The following ASMT variants were observed in gnomAD, a reference collection of about 807,000 sequenced individuals.
ASMT encodes acetylserotonin O-methyltransferase.
In ASMT, 53 loss-of-function variants were observed where a neutral mutation model predicts 41.3. The ratio of observed to expected loss-of-function variants is 1.28; its 90% CI spans 1.03 to 1.61. The LOEUF is 1.61. Ranked by LOEUF, ASMT falls within the 40% of genes most tolerant of loss-of-function variation. The probability of loss-of-function intolerance (pLI) is 0.00; values close to 1 mark genes in which losing one functional copy is unlikely to be tolerated. For synonymous variants in ASMT, 231 were observed against 184.8 expected (o/e 1.25, Z -2.03); for missense variants, 531 against 441.3 (o/e 1.20, Z -1.82).
rs1569386580 is a variant in ASMT, at chrX:1,640,587, A to ATC, written c.911-2216_911-2215insTC. Among the ~76,000 whole-genome samples the ATC allele has an allele frequency of 2.0e-3, 65 of 31,714 alleles. 1 individual carries two copies. Among genetic ancestry groups the ATC allele is most frequent in the Non-Finnish European group, 2.0e-3 (39 of 19,494 alleles). 20.8% of individuals were successfully genotyped at this position (31,714 alleles called of 152,430 possible). On this transcript the variant is annotated intron_variant, in intron 8 of 8. Coordinates refer to ENST00000381241, the MANE Select transcript of ASMT (RefSeq NM_001171038.2). Reference sequence around the variant, plus strand: ...TGTGAGATCCATCCATCCTGATGGCACATGAGGATGTGGGCACAGCCTCTG... The same window carrying ATC: ...TGTGAGATCCATCCATCCTGATGGCATCCATGAGGATGTGGGCACAGCCTCTG...
chrX:1,618,863 C>A (rs1462287053), intron 1 of ASMT, among the ~76,000 whole-genome samples: 37 of 152,176 alleles, frequency 2.4e-4, no homozygotes, highest in African/African-American at 8.4e-4. Context: ...CAAAGACTGT[C>A]GCTGGTTCAC....
chrX:1,619,386 CCT>C (rs1290991394), intron 1 of ASMT, among the ~76,000 whole-genome samples: 1 of 144,914 alleles, frequency 6.9e-6, no homozygotes, highest in African/African-American at 2.6e-5. Flanking sequence ...AGAGCGGGAC[CCT>C]GTCTCAAAAA....
Position 1,624,324 on chromosome X carries a change from G to A in ASMT, c.300G>A (p.Thr100=), listed in dbSNP as rs532832663. 5.3e-5 allele frequency: 85 copies of A among 1,613,942 alleles called. No homozygotes were observed. Among genetic ancestry groups the A allele is most frequent in the Middle Eastern group, 1.7e-4 (1 of 6,024 alleles). The change falls in exon 3 of 9, where the codon ACG becomes ACA. Residue 100 remains threonine, a synonymous_variant. Transcript: ENST00000381241. The stretch of plus-strand genomic sequence containing the variant: ...ACTACCTGACCACGGTCAGCCCGAC[G>A]TCACAATGCAGCATGCTGAAGTACA... ...SSDYLTTVSP[T]SQCSMLKYMG...
intron 1 of ASMT, among the ~76,000 whole-genome samples, chrX:1,620,952 CG>C (rs1934316909): frequency 6.6e-6 from 1 of 151,086 alleles, no homozygotes; most frequent in Admixed American, 6.6e-5. Flanking sequence ...AAAATTTAGC[CG>C]GGTGTGGTGG....
intron 3 of ASMT, among the ~76,000 whole-genome samples, chrX:1,625,695 C>T (rs1479920861): frequency 7.9e-5 from 12 of 151,892 alleles, no homozygotes; most frequent in African/African-American, 1.9e-4. Flanking sequence ...TAGCCCATGC[C>T]GGTAATCCCA....
intron 1 of ASMT, among the ~76,000 whole-genome samples, chrX:1,616,110 C>G (rs1326254583): frequency 1.4e-4 from 21 of 151,196 alleles, no homozygotes; most frequent in South Asian, 4.2e-4. Flanking sequence ...CTCACTGCAA[C>G]CTCCGCCTCC....
chrX:1,624,318 C>G lies in ASMT; in HGVS notation c.294C>G (p.Ser98Arg), dbSNP rs1480097950. Residue 98 changes from serine (S) to arginine (R), a missense_variant, in exon 3 of 9, where the codon AGC becomes AGG. By Grantham distance (110) the Ser-to-Arg change is moderately radical. Coordinates refer to ENST00000381241, the MANE Select transcript of ASMT (RefSeq NM_001171038.2). ...CCAGCGACTACCTGACCACGGTCAG[C>G]CCGACGTCACAATGCAGCATGCTGA... ...ELSSDYLTTV[S>R]PTSQCSMLKY... The G allele has an allele frequency of 6.2e-7, 1 of 1,613,866 alleles. No homozygotes were observed. The highest frequency in any genetic ancestry group is 8.5e-7 in the Non-Finnish European group (1 of 1,179,884).
intron 1 of ASMT, among the ~76,000 whole-genome samples, chrX:1,622,584 C>G (rs1934374670): frequency 6.6e-6 from 1 of 151,958 alleles, no homozygotes; most frequent in African/African-American, 2.4e-5. Flanking sequence ...AGCACCCAGC[C>G]AGGAGACATT....
chrX:1,628,300 A>G (rs1934635352), intron 4 of ASMT, among the ~76,000 whole-genome samples: 2 of 152,340 alleles, frequency 1.3e-5, no homozygotes, highest in South Asian at 2.1e-4. Context: ...CAGCCTGGGC[A>G]ACAAGAGTGA....
At chrX:1,619,814 G>A (rs1371223478) in intron 1 of ASMT, among the ~76,000 whole-genome samples, 2 of 151,734 alleles carry the variant, frequency 1.3e-5, no homozygotes, top group South Asian at 2.1e-4. Context: ...AATACGGGCC[G>A]GGCGTGGTGG....
At chrX:1,622,847 G>A (rs1307981672) in intron 1 of ASMT, among the ~76,000 whole-genome samples, 3 of 151,864 alleles carry the variant, frequency 2.0e-5, no homozygotes, top group Non-Finnish European at 4.4e-5. Flanking sequence ...GGGAGGCAGA[G>A]GTTGCAGTGA....
In ASMT at chrX:1,636,427, C is replaced by T; in HGVS notation, c.788-11C>T. 2 of 1,613,866 alleles carry T rather than the reference C, an allele frequency of 1.2e-6. No individual in the cohort carries two copies. Among genetic ancestry groups the T allele is most frequent in the African/African-American group, 1.3e-5 (1 of 74,992 alleles). ...GCAGGCTGACCTCGGTGTGCCTGCC[C>T]TGTGTTCCAGGGGATTTCTTCAAAG... On this transcript the variant is annotated splice_polypyrimidine_tract_variant and intron_variant, in intron 7 of 8. Transcript: ENST00000381241.
intron 1 of ASMT, among the ~76,000 whole-genome samples, chrX:1,620,166 CTTT>C (rs1180256764): frequency 7.3e-5 from 7 of 95,398 alleles, no homozygotes; most frequent in African/African-American, 3.1e-4. Flanking sequence ...ATTAATATAG[CTTT>C]TTTTTTTTTT....
In ASMT at chrX:1,630,058, T is replaced by C. The variant is rs1169095162; in HGVS notation, c.562+119T>C. ...GCTTTGACATGTGCGGCCTTACTGGTCTTAGAGGAATCATTCCTCCCAGCA... is the reference window on the plus strand; with the variant it reads ...GCTTTGACATGTGCGGCCTTACTGGCCTTAGAGGAATCATTCCTCCCAGCA... On this transcript the variant is annotated intron_variant, in intron 5 of 8. Transcript: ENST00000381241. 1.1e-5 allele frequency: 10 copies of C among 942,504 alleles called. No homozygotes were observed. The Admixed American group carries it at 1.2e-4, about 12-fold the overall frequency. 58.4% of individuals were successfully genotyped at this position (942,504 alleles called of 1,614,324 possible). A position where few individuals can be genotyped will look rare whatever the true frequency, so the allele number is the denominator to read the frequency against.
intron 1 of ASMT, among the ~76,000 whole-genome samples, chrX:1,620,017 C>T (rs1243993345): frequency 2.0e-5 from 3 of 150,830 alleles, no homozygotes; most frequent in African/African-American, 7.3e-5. Flanking sequence ...CCCTTGAACC[C>T]GGGAGGCGGA....
intron 1 of ASMT, among the ~76,000 whole-genome samples, chrX:1,615,785 C>G (rs1252922291): frequency 6.6e-5 from 10 of 150,686 alleles, no homozygotes; most frequent in African/African-American, 1.5e-4. Context: ...CTGGGGGACA[C>G]AGCAAGACTC....
intron 8 of ASMT, 178 bp downstream of exon 8, chrX:1,636,738 T>A: frequency 2.4e-6 from 1 of 414,194 alleles, no homozygotes; most frequent in Non-Finnish European, 3.2e-6. Context: ...TCTATTCTAT[T>A]GATAAAACCA....
intron 4 of ASMT, among the ~76,000 whole-genome samples, chrX:1,628,656 C>G (rs1934649635): frequency 6.6e-6 from 1 of 150,488 alleles, no homozygotes; most frequent in African/African-American, 2.4e-5. Context: ...TTCCATCCTC[C>G]TCTCTTTCTC....
At chrX:1,631,740 T>C (rs34070954) in intron 5 of ASMT, among the ~76,000 whole-genome samples, 11,297 of 149,098 alleles carry the variant, frequency 0.076, 459 homozygotes, top group Admixed American at 0.1. Context: ...CATGGTGAAA[T>C]CCCGTCTCTA....
Sources: gnomAD v4.1 joint callset for allele counts (sites outside exome capture counted in the v4.1 genomes callset) on GRCh38, gnomAD v4.1.1 for gene constraint, MANE v1.5 for transcripts, NCBI Gene and HGNC (gene_info 2026-07-23, HGNC 2026-07-21) for gene names.